The following SLC66A2 variants were observed in gnomAD, a reference collection of about 807,000 sequenced individuals.
SLC66A2 encodes the protein PQ loop repeat containing 1.
SLC66A2 carries 23 observed loss-of-function variants against 25.5 expected under a neutral mutation model. The observed-to-expected ratio is 0.90, with a 90% CI of 0.65 to 1.28. The LOEUF (loss-of-function observed/expected upper bound fraction) is 1.28. SLC66A2 is among the 50% of genes most tolerant of loss of function. The pLI, the probability that SLC66A2 is intolerant of heterozygous loss-of-function variation, is 0.00. For synonymous variants in SLC66A2, 193 were observed against 166.5 expected, an observed-to-expected ratio of 1.16 and a Z score of -1.23; for missense variants, 396 against 373.1, an observed-to-expected ratio of 1.06 and a Z score of -0.51.
intron 5 of SLC66A2, among the ~76,000 whole-genome samples, chr18:79,914,784 A>G (rs1002915678): frequency 6.6e-6 from 1 of 152,222 alleles, no homozygotes; most frequent in Non-Finnish European, 1.5e-5. Context: ...TCAGACGCGC[A>G]AGTGGAGCCG....
At chr18:79,910,900 C>A (rs943585819) in intron 5 of SLC66A2, among the ~76,000 whole-genome samples, 3 of 152,248 alleles carry the variant, frequency 2.0e-5, no homozygotes, top group Non-Finnish European at 4.4e-5. Flanking sequence ...TCAAAGCAAG[C>A]AACCCAGACC....
Position 79,921,841 on chromosome 18 carries a change from AC to A in SLC66A2, c.392-2442del, listed in dbSNP as rs1985248689. Among the ~76,000 whole-genome samples the A allele has an allele frequency of 1.4e-3, 8 of 5,568 alleles. 1 individual carries two copies. The highest frequency in any genetic ancestry group is 0.5 in the South Asian group (2 of 4). 3.7% of individuals were successfully genotyped at this position (5,568 alleles called of 152,430 possible). The stretch of plus-strand genomic sequence containing the variant: ...AGAGGTCAGGGTCAGAGGAGGAGAG[AC>A]AGGAACCGAGGGAGAGGTCAAGGTC... On this transcript the variant is annotated intron_variant, in intron 4 of 5. Transcript: ENST00000397778.
chr18:79,911,369 G>A (rs1325276041), intron 5 of SLC66A2, among the ~76,000 whole-genome samples: 1 of 152,244 alleles, frequency 6.6e-6, no homozygotes, highest in Non-Finnish European at 1.5e-5. Flanking sequence ...CAGTGGCAGA[G>A]CTCAGGTCTG....
At chr18:79,938,407 C>G (rs758634700) in intron 3 of SLC66A2, among the ~76,000 whole-genome samples, 3 of 152,186 alleles carry the variant, frequency 2.0e-5, no homozygotes, top group Non-Finnish European at 4.4e-5. Context: ...GTGCTGATGC[C>G]AGCCCTGCCT....
At chr18:79,928,093 G>A (rs781431964) in intron 4 of SLC66A2, among the ~76,000 whole-genome samples, 21 of 152,220 alleles carry the variant, frequency 1.4e-4, no homozygotes, top group Admixed American at 2.0e-4. Flanking sequence ...CTGTCACCGC[G>A]GCCAAGGGAG....
At chr18:79,951,513 C>A in intron 1 of SLC66A2, 68 bp downstream of exon 1, 1 of 152,372 alleles carries the variant, frequency 6.6e-6, no homozygotes, top group South Asian at 1.9e-4. Flanking sequence ...ACCAACTGCC[C>A]CGGCCCTGCG....
At chr18:79,935,690 G>A (rs1987010854) in intron 3 of SLC66A2, among the ~76,000 whole-genome samples, 3 of 152,164 alleles carry the variant, frequency 2.0e-5, no homozygotes, top group South Asian at 2.1e-4. Flanking sequence ...GCCATGTTGT[G>A]AGGAAGCCCA....
chr18:79,936,464 CA>C (rs1470838041), intron 3 of SLC66A2, among the ~76,000 whole-genome samples: 1 of 152,072 alleles, frequency 6.6e-6, no homozygotes, highest in Non-Finnish European at 1.5e-5. Flanking sequence ...GTGCAAACAC[CA>C]TCACTATCTA....
intron 2 of SLC66A2, among the ~76,000 whole-genome samples, 165 bp downstream of exon 2, chr18:79,950,559 C>T (rs562797400): frequency 6.6e-6 from 1 of 152,294 alleles, no homozygotes; most frequent in East Asian, 1.9e-4. Flanking sequence ...TAATCTCACC[C>T]TAAGAAGTGA....
At chr18:79,930,736 T>C (rs1023046725) in intron 4 of SLC66A2, among the ~76,000 whole-genome samples, 1 of 152,176 alleles carries the variant, frequency 6.6e-6, no homozygotes, top group Non-Finnish European at 1.5e-5. Context: ...CTGTAGATGG[T>C]AACTCAGTCT....
At chr18:79,947,711 G>C (rs1277617047) in intron 2 of SLC66A2, among the ~76,000 whole-genome samples, 1 of 147,650 alleles carries the variant, frequency 6.8e-6, no homozygotes, top group Non-Finnish European at 1.5e-5. Context: ...TGGAGCTGGG[G>C]TTGTGTGTGA....
At chr18:79,924,893 T>G (rs1228611491) in intron 4 of SLC66A2, 1 of 152,254 alleles carries the variant, frequency 6.6e-6, no homozygotes, top group Non-Finnish European at 1.5e-5. Context: ...AGCTCACATG[T>G]GCTGGGGAAT....
chr18:79,948,932 G>A (rs1255720575), intron 2 of SLC66A2, among the ~76,000 whole-genome samples: 5 of 152,098 alleles, frequency 3.3e-5, no homozygotes, highest in East Asian at 1.9e-4. Flanking sequence ...TCAACCTTAC[G>A]CTCACTGAGG....
intron 4 of SLC66A2, among the ~76,000 whole-genome samples, chr18:79,922,204 G>A (rs1239309180): frequency 2.6e-5 from 4 of 151,896 alleles, no homozygotes; most frequent in Admixed American, 2.6e-4. Flanking sequence ...GCTCTTCAGG[G>A]GCCAAGGAGG....
intron 5 of SLC66A2, among the ~76,000 whole-genome samples, chr18:79,906,662 G>A (rs1033145882): frequency 1.3e-5 from 2 of 152,324 alleles, no homozygotes; most frequent in Middle Eastern, 6.8e-3. Flanking sequence ...TGCCCAACGG[G>A]CATCTGAAAA....
In SLC66A2 at chr18:79,909,097, G is replaced by T. The variant is rs552651075; in HGVS notation, c.609-4914C>A. Among the ~76,000 whole-genome samples the T allele has an allele frequency of 2.0e-5, 3 of 152,336 alleles. No homozygotes were observed. The South Asian group carries it at 6.2e-4, about 32-fold the overall frequency. On this transcript the variant is annotated intron_variant, in intron 5 of 5. Transcript: ENST00000397778. ...TGCAGTGAGATGTGAGTCTTCCATGGTCCTATCAACAGTGTTGCTTTTCCT... is the reference window on the plus strand; with the variant it reads ...TGCAGTGAGATGTGAGTCTTCCATGTTCCTATCAACAGTGTTGCTTTTCCT...
chr18:79,946,314 G>T (rs1276095672), intron 2 of SLC66A2, among the ~76,000 whole-genome samples: 1 of 152,230 alleles, frequency 6.6e-6, no homozygotes, highest in Non-Finnish European at 1.5e-5. Flanking sequence ...AAACGAAACA[G>T]AATCCAGCAG....
chr18:79,910,389 A>G (rs1982922168), intron 5 of SLC66A2, among the ~76,000 whole-genome samples: 1 of 121,134 alleles, frequency 8.3e-6, no homozygotes, highest in Non-Finnish European at 1.7e-5. Context: ...CCACCTCACC[A>G]GAGTCCCCAG....
chr18:79,950,892 G>C lies in SLC66A2; in HGVS notation c.35C>G (p.Pro12Arg), dbSNP rs749323876. The C allele has an allele frequency of 2.9e-5, 47 of 1,596,872 alleles. No homozygotes were observed. In the Admixed American group the frequency reaches 8.1e-4, roughly 28 times the overall value. The change falls in exon 2 of 6, where the codon CCA becomes CGA. Residue 12 changes from proline to arginine, a missense_variant. Physicochemically the swap from Pro to Arg is moderately radical, Grantham distance 103. Transcript: ENST00000397778. ...EAEGLDWLLV[P>R]LHQLVSWGAA... ...GCCCCAGGACACCAGCTGGTGCAGT[G>C]GCACCAGGAGCCAGTCCAGGCCCTC... is the stretch of plus-strand genomic sequence containing the variant.
Sources: allele counts gnomAD v4.1 joint callset (sites outside exome capture counted in the v4.1 genomes callset), GRCh38; gene constraint gnomAD v4.1.1; transcripts MANE v1.5; gene names NCBI Gene and HGNC (gene_info 2026-07-23, HGNC 2026-07-21).